GALNTL6: variants seen among roughly 807,000 people sequenced by gnomAD.
GALNTL6 encodes the protein polypeptide N-acetylgalactosaminyltransferase like 6.
GALNTL6 carries 46 observed loss-of-function variants against 73.7 expected under a neutral mutation model. The ratio of observed to expected loss-of-function variants is 0.62; its 90% confidence interval spans 0.49 to 0.80. The LOEUF is 0.80. Ranked by LOEUF, GALNTL6 falls within the 30% of genes least tolerant of loss-of-function variation. GALNTL6 has a pLI of 0.00. For missense variants in GALNTL6, 604 were observed against 755.0 expected, an observed-to-expected ratio of 0.80 and a Z score of 2.34; for synonymous variants, 259 against 263.7, an observed-to-expected ratio of 0.98 and a Z score of 0.17.
intron 5 of GALNTL6, among the ~76,000 whole-genome samples, chr4:172,368,257 T>A (rs1742642535): frequency 6.6e-6 from 1 of 152,074 alleles, no homozygotes; most frequent in Non-Finnish European, 1.5e-5. Flanking sequence ...GGTGTGTGCC[T>A]GTAATCCCAG....
intron 8 of GALNTL6, among the ~76,000 whole-genome samples, chr4:172,894,187 G>A (rs947325819): frequency 4.6e-5 from 7 of 151,918 alleles, no homozygotes; most frequent in African/African-American, 1.7e-4. Context: ...TATTGTCTCA[G>A]TTTCATATAT....
chr4:172,818,328 T>C (rs1442084906), intron 7 of GALNTL6, among the ~76,000 whole-genome samples: 1 of 152,210 alleles, frequency 6.6e-6, no homozygotes, highest in Admixed American at 6.5e-5. Flanking sequence ...TTATTCAATT[T>C]TGCAAGTTGA....
At chr4:172,525,119 T>C (rs760813126) in intron 5 of GALNTL6, among the ~76,000 whole-genome samples, 15 of 152,238 alleles carry the variant, frequency 9.9e-5, no homozygotes, top group Non-Finnish European at 1.0e-4. Flanking sequence ...GTTATATTTG[T>C]CTTCCTTTGT....
intron 7 of GALNTL6, among the ~76,000 whole-genome samples, chr4:172,823,688 A>G (rs905830041): frequency 4.6e-5 from 7 of 152,204 alleles, no homozygotes; most frequent in Admixed American, 1.3e-4. Context: ...GTAAAGAAGA[A>G]AAGGAAGAAA....
At chr4:172,414,359 T>A (rs529231438) in intron 5 of GALNTL6, among the ~76,000 whole-genome samples, 1 of 152,240 alleles carries the variant, frequency 6.6e-6, no homozygotes, top group South Asian at 2.1e-4. Flanking sequence ...ATTTCCAACT[T>A]ATATGTGTAT....
At chr4:171,913,008 G>A (rs1560838222) in intron 2 of GALNTL6, among the ~76,000 whole-genome samples, 1 of 152,120 alleles carries the variant, frequency 6.6e-6, no homozygotes, top group Non-Finnish European at 1.5e-5. Context: ...ATAAACATGT[G>A]GGTGCAGGTA....
chr4:172,589,029 C>G (rs1737536376), intron 5 of GALNTL6, among the ~76,000 whole-genome samples: 2 of 152,104 alleles, frequency 1.3e-5, no homozygotes, highest in African/African-American at 4.8e-5. Context: ...AATATTATAT[C>G]TAGACATTTG....
At chr4:172,685,736 A>G (rs1732879149) in intron 5 of GALNTL6, among the ~76,000 whole-genome samples, 1 of 152,136 alleles carries the variant, frequency 6.6e-6, no homozygotes, top group African/African-American at 2.4e-5. Context: ...TAAAACATTA[A>G]TCATTTCTAT....
At chr4:171,978,995 C>A (rs59689241) in intron 2 of GALNTL6, among the ~76,000 whole-genome samples, 12,462 of 151,968 alleles carry the variant, frequency 0.082, 1,412 homozygotes, top group African/African-American at 0.26. Context: ...AAAATGTGTC[C>A]CTTTTAGGTT....
At chr4:172,334,296 G>A (rs1741233939) in intron 4 of GALNTL6, among the ~76,000 whole-genome samples, 2 of 152,076 alleles carry the variant, frequency 1.3e-5, no homozygotes, top group South Asian at 2.1e-4. Context: ...AAATGGTGTC[G>A]GCATTTTGAT....
At chr4:172,610,629 A>C (rs1738490037) in intron 5 of GALNTL6, among the ~76,000 whole-genome samples, 2 of 151,922 alleles carry the variant, frequency 1.3e-5, no homozygotes, top group Non-Finnish European at 2.9e-5. Flanking sequence ...ATTTTAGATT[A>C]TGTATATGCA....
intron 5 of GALNTL6, among the ~76,000 whole-genome samples, chr4:172,364,491 T>G (rs1232048658): frequency 1.3e-5 from 2 of 152,150 alleles, no homozygotes; most frequent in Non-Finnish European, 1.5e-5. Context: ...GAGTCTTATA[T>G]TAAATGCAAT....
chr4:171,981,931 C>T (rs1739909044), intron 2 of GALNTL6, among the ~76,000 whole-genome samples: 1 of 151,746 alleles, frequency 6.6e-6, no homozygotes, highest in African/African-American at 2.4e-5. Context: ...AACTACAGAT[C>T]TATTCCTGAA....
rs534943693 is a variant in GALNTL6 at position 172,817,930 on chromosome 4, T to C, written c.923+4207T>C. On this transcript the variant is annotated intron_variant, in intron 7 of 12. Transcript: ENST00000506823. ...TACTTGAGATACGAGGAATATCTAA[T>C]TGGTCTTTAATGACAGAGCTATTAG... Among the ~76,000 whole-genome samples, 33 of 152,354 alleles carry C rather than the reference T, an allele frequency of 2.2e-4. 1 individual carries two copies. In the South Asian group the frequency reaches 5.8e-3, roughly 27 times the overall value.
rs1254778900 is a variant in GALNTL6 at position 172,151,520 on chromosome 4, T to C, written c.139-78136T>C. The stretch of plus-strand genomic sequence containing the variant: ...GATTTACACATGAAGACTTTCAGTA[T>C]TGTAGGTCCCTTAGGATTAGCTATC... On this transcript the variant is annotated intron_variant, in intron 2 of 12. Coordinates refer to ENST00000506823, the MANE Select transcript of GALNTL6 (RefSeq NM_001034845.3). 3.3e-5 allele frequency among the ~76,000 whole-genome samples: 5 copies of C among 152,300 alleles called. No homozygotes were observed. The East Asian group carries it at 9.6e-4, about 29-fold the overall frequency.
intron 3 of GALNTL6, among the ~76,000 whole-genome samples, chr4:172,246,083 A>G (rs976533222): frequency 2.5e-4 from 38 of 152,202 alleles, no homozygotes; most frequent in Non-Finnish European, 4.4e-5. Context: ...TGTTTATGAA[A>G]CATAGATACT....
At chr4:172,105,749 A>T (rs539674169) in intron 2 of GALNTL6, among the ~76,000 whole-genome samples, 90 of 152,292 alleles carry the variant, frequency 5.9e-4, no homozygotes, top group Middle Eastern at 3.4e-3. Context: ...TTCAAAAGCA[A>T]ACATGAAATA....
chr4:172,471,836 T>A (rs1352764400), intron 5 of GALNTL6, among the ~76,000 whole-genome samples: 2 of 152,222 alleles, frequency 1.3e-5, no homozygotes, highest in African/African-American at 4.8e-5. Flanking sequence ...TTGAGTGAAT[T>A]CATGCAGCTT....
At chr4:172,396,200 C>T (rs138717068) in intron 5 of GALNTL6, among the ~76,000 whole-genome samples, 39 of 152,234 alleles carry the variant, frequency 2.6e-4, no homozygotes, top group Non-Finnish European at 4.6e-4. Flanking sequence ...AGCCCTTCCT[C>T]GGGCAGTTTG....
Sources: allele counts gnomAD v4.1 joint callset (sites outside exome capture counted in the v4.1 genomes callset), GRCh38; gene constraint gnomAD v4.1.1; transcripts MANE v1.5; gene names NCBI Gene and HGNC (gene_info 2026-07-23, HGNC 2026-07-21).